The following ALK variants were observed in gnomAD, a reference collection of about 807,000 sequenced individuals.
ALK encodes ALK receptor tyrosine kinase, also known as ALK tyrosine kinase receptor.
In ALK, 74 loss-of-function variants were observed where a neutral mutation model predicts 163.1. The observed-to-expected ratio is 0.45, with a 90% confidence interval of 0.38 to 0.55. The LOEUF is 0.55. Ranked by LOEUF, ALK falls within the 20% of genes least tolerant of loss-of-function variation. The pLI, the probability that ALK is intolerant of heterozygous loss-of-function variation, is 0.00. For missense variants in ALK, 2,063 were observed against 2,105.3 expected (o/e 0.98, Z 0.39); for synonymous variants, 960 against 843.2 (o/e 1.14, Z -2.40).
chr2:29,716,109 G>A (rs1412037348), intron 2 of ALK, among the ~76,000 whole-genome samples: 1 of 152,212 alleles, frequency 6.6e-6, no homozygotes, highest in African/African-American at 2.4e-5. Context: ...ATTTTAAATA[G>A]CTTAGGCCCA....
intron 1 of ALK, among the ~76,000 whole-genome samples, chr2:29,748,078 G>A (rs113733253): frequency 1.4e-4 from 22 of 152,300 alleles, no homozygotes; most frequent in African/African-American, 5.3e-4. Flanking sequence ...AAGCAGTTTG[G>A]AAGGGCGGTC....
At chr2:29,580,870 C>T (rs1036351075) in intron 3 of ALK, among the ~76,000 whole-genome samples, 19 of 152,160 alleles carry the variant, frequency 1.2e-4, no homozygotes, top group African/African-American at 4.1e-4. Context: ...TGCTGAGGGA[C>T]GGCTCCTATG....
intron 5 of ALK, among the ~76,000 whole-genome samples, chr2:29,368,016 T>C (rs1411416040): frequency 1.3e-5 from 2 of 152,238 alleles, no homozygotes; most frequent in African/African-American, 4.8e-5. Context: ...TTCAACATTT[T>C]ACAAAAATTC....
At chr2:29,708,851 C>A (rs570254754) in intron 2 of ALK, among the ~76,000 whole-genome samples, 1 of 152,246 alleles carries the variant, frequency 6.6e-6, no homozygotes, top group South Asian at 2.1e-4. Flanking sequence ...CACAGAAGGC[C>A]CTGACAGCTC....
intron 3 of ALK, among the ~76,000 whole-genome samples, chr2:29,651,539 A>C (rs1402671166): frequency 6.6e-6 from 1 of 152,176 alleles, no homozygotes; most frequent in Non-Finnish European, 1.5e-5. Flanking sequence ...TCTGAGGATC[A>C]TTTTCAATAG....
rs576426365 is a variant in ALK, at chr2:29,828,983, C to T, written c.667+91010G>A. 3.0e-4 allele frequency among the ~76,000 whole-genome samples: 46 copies of T among 151,682 alleles called. 1 individual carries two copies. Among genetic ancestry groups the T allele is most frequent in the African/African-American group, 1.1e-3 (44 of 41,332 alleles). ...ATATACACCATGGAATACTATGCAG[C>T]CATAAAAAATGATGAGTTCATGTCC... is the stretch of plus-strand genomic sequence containing the variant. On this transcript the variant is annotated intron_variant, in intron 1 of 28. Transcript: ENST00000389048.
At chr2:29,553,584 G>A (rs183747589) in intron 3 of ALK, among the ~76,000 whole-genome samples, 1 of 152,246 alleles carries the variant, frequency 6.6e-6, no homozygotes, top group East Asian at 1.9e-4. Flanking sequence ...TTGACAGCAG[G>A]GGTGGGTTTT....
chr2:29,769,530 C>T (rs1680958755), intron 1 of ALK, among the ~76,000 whole-genome samples: 1 of 152,158 alleles, frequency 6.6e-6, no homozygotes, highest in African/African-American at 2.4e-5. Context: ...GTATCTGAGC[C>T]TCAGCACCTA....
In ALK at chr2:29,226,998, C is replaced by A. The variant is rs1664020868; in HGVS notation, c.2991G>T (p.Met997Ile). Residue 997 changes from methionine to isoleucine, a missense_variant, in exon 18 of 29, where the codon ATG becomes ATT. Around this residue, in one of 5 missense-constraint regions of ALK, gnomAD observed 575 missense variants for 626.6 expected, o/e 0.92. Coordinates refer to ENST00000389048, the MANE Select transcript of ALK (RefSeq NM_004304.5). ...CSHCEVDECH[M>I]DPESHKVICF... ...AGATGACCTTGTGGCTTTCAGGGTC[C>A]ATGTGACATTCGTCTACCTCACAGT... The A allele has an allele frequency of 6.2e-7, 1 of 1,614,176 alleles. No homozygotes were observed. Among genetic ancestry groups the A allele is most frequent in the Non-Finnish European group, 8.5e-7 (1 of 1,180,028 alleles).
At chr2:29,814,191 A>T (rs942426144) in intron 1 of ALK, among the ~76,000 whole-genome samples, 2 of 152,200 alleles carry the variant, frequency 1.3e-5, no homozygotes, top group Non-Finnish European at 2.9e-5. Flanking sequence ...TGTTTCATAG[A>T]AGAGGCACTG....
In ALK at chr2:29,225,559, G is replaced by A. The variant is rs748284394; in HGVS notation, c.3074C>T (p.Pro1025Leu). ...AEDGVSCIVS[P>L]TPEPHLPLSL... Reference sequence around the variant, plus strand: ...GAGTGGCAGGTGTGGCTCCGGGGTGGGTGACACTGGAAGACAGGTCCCACT... The same window carrying A: ...GAGTGGCAGGTGTGGCTCCGGGGTGAGTGACACTGGAAGACAGGTCCCACT... Residue 1025 changes from proline to leucine, a missense_variant, in exon 19 of 29, where the codon CCC becomes CTC. By Grantham distance (98) the Pro-to-Leu change is moderately conservative (BLOSUM62 -3). This residue lies in a region of ALK where 575 missense variants were observed against 626.6 expected (regional missense o/e 0.92). Coordinates refer to ENST00000389048, the MANE Select transcript of ALK (RefSeq NM_004304.5). The A allele has an allele frequency of 6.2e-7, 1 of 1,609,262 alleles. No individual in the cohort carries two copies. Among genetic ancestry groups the A allele is most frequent in the African/African-American group, 1.3e-5 (1 of 74,850 alleles).
chr2:29,288,965 AATAAAT>A (rs1394551578), intron 9 of ALK, among the ~76,000 whole-genome samples: 1 of 132,342 alleles, frequency 7.6e-6, no homozygotes. Context: ...AAAATAAATA[AATAAAT>A]AAATAAATAA....
chr2:29,349,902 G>T (rs6736773), intron 5 of ALK, among the ~76,000 whole-genome samples: 7 of 152,102 alleles, frequency 4.6e-5, no homozygotes. Context: ...AGTGAGGGCT[G>T]GTCAGGAGAC....
intron 11 of ALK, among the ~76,000 whole-genome samples, chr2:29,265,340 C>T (rs977798744): frequency 6.6e-6 from 1 of 152,138 alleles, no homozygotes; most frequent in Non-Finnish European, 1.5e-5. Context: ...TTTAAGAAAA[C>T]ACGTGAGTCC....
At chr2:29,481,695 T>C (rs1419206193) in intron 4 of ALK, among the ~76,000 whole-genome samples, 1 of 152,206 alleles carries the variant, frequency 6.6e-6, no homozygotes, top group Admixed American at 6.5e-5. Context: ...TTTTCCTCTT[T>C]GTATACCTTA....
At chr2:29,308,184 T>C (rs1666584374) in intron 8 of ALK, among the ~76,000 whole-genome samples, 1 of 152,100 alleles carries the variant, frequency 6.6e-6, no homozygotes, top group Non-Finnish European at 1.5e-5. Flanking sequence ...AAGACTAATA[T>C]TGATATGGGA....
intron 3 of ALK, among the ~76,000 whole-genome samples, chr2:29,580,034 G>T (rs554084177): frequency 6.6e-6 from 1 of 152,228 alleles, no homozygotes; most frequent in East Asian, 1.9e-4. Context: ...TGCCCAAACA[G>T]CCACAGAATT....
chr2:29,686,689 C>A (rs1678251045), intron 3 of ALK, among the ~76,000 whole-genome samples: 1 of 152,172 alleles, frequency 6.6e-6, no homozygotes, highest in South Asian at 2.1e-4. Flanking sequence ...TGGGCAGACC[C>A]ATGAGGTTCA....
chr2:29,645,596 G>A (rs1676849596), intron 3 of ALK, among the ~76,000 whole-genome samples: 1 of 152,142 alleles, frequency 6.6e-6, no homozygotes, highest in African/African-American at 2.4e-5. Context: ...GTTGCATGGT[G>A]ACTTGGTGGA....
Sources: gnomAD v4.1 joint callset for allele counts (sites outside exome capture counted in the v4.1 genomes callset) on GRCh38, gnomAD v4.1.1 for gene constraint, gnomAD v4.1.1 regional missense constraint, MANE v1.5 for transcripts, NCBI Gene and HGNC (gene_info 2026-07-23, HGNC 2026-07-21) for gene names.